Variants in IGSF11 observed in about 807,000 individuals in gnomAD.
The protein encoded by IGSF11 is CXADR like 1.
In IGSF11, 22 loss-of-function variants were observed where a neutral mutation model predicts 41.0. The observed-to-expected ratio is 0.54, with a 90% confidence interval of 0.38 to 0.77. The LOEUF (loss-of-function observed/expected upper bound fraction) is 0.77, where lower values mean the gene tolerates loss of function less well. Ranked by LOEUF, IGSF11 falls within the 30% of genes least tolerant of loss-of-function variation. The pLI is 0.00. For missense variants in IGSF11, 444 were observed against 530.8 expected (o/e 0.84, Z 1.61); for synonymous variants, 219 against 201.3 (o/e 1.09, Z -0.74).
At chr3:119,003,688 G>A (rs991059503) in intron 1 of IGSF11, among the ~76,000 whole-genome samples, 1 of 151,724 alleles carries the variant, frequency 6.6e-6, no homozygotes, top group East Asian at 1.9e-4. Flanking sequence ...GTTGAATTTT[G>A]TCAAAGGCTT....
At chr3:118,969,242 A>G (rs1365650725) in intron 1 of IGSF11, among the ~76,000 whole-genome samples, 1 of 152,234 alleles carries the variant, frequency 6.6e-6, no homozygotes, top group Non-Finnish European at 1.5e-5. Context: ...ATAAAAATAA[A>G]GAAAGGTCAT....
Position 118,926,089 on chromosome 3 carries a change from C to T in IGSF11, c.580+12G>A, listed in dbSNP as rs1408346053. The T allele has an allele frequency of 6.5e-7, 1 of 1,549,016 alleles. No homozygotes were observed. Among genetic ancestry groups the T allele is most frequent in the East Asian group, 2.3e-5 (1 of 42,872 alleles). ...ATAACTAATAAAATGGGTAAAGCAG[C>T]ACTGTACATACCCTGAGTAGCTGTT... On this transcript the variant is annotated intron_variant, in intron 4 of 6. Transcript: ENST00000393775.
chr3:119,011,980 T>C (rs1315861180), intron 1 of IGSF11, among the ~76,000 whole-genome samples: 1 of 152,040 alleles, frequency 6.6e-6, no homozygotes, highest in African/African-American at 2.4e-5. Context: ...TATACACACA[T>C]ATATATAGGT....
intron 1 of IGSF11, among the ~76,000 whole-genome samples, chr3:119,055,325 G>T (rs1186441689): frequency 6.6e-6 from 1 of 152,176 alleles, no homozygotes. Flanking sequence ...AAGCTGGATG[G>T]AGAATGACTT....
chr3:118,946,477 A>C (rs888068968), intron 1 of IGSF11, among the ~76,000 whole-genome samples: 1 of 151,972 alleles, frequency 6.6e-6, no homozygotes, highest in East Asian at 1.9e-4. Flanking sequence ...AGAGGAGGAA[A>C]GAAAGAAATC....
At chr3:119,144,249 G>A (rs898748223) in intron 1 of IGSF11, among the ~76,000 whole-genome samples, 1 of 152,064 alleles carries the variant, frequency 6.6e-6, no homozygotes, top group African/African-American at 2.4e-5. Flanking sequence ...ATAATGAGTA[G>A]AACCCTAGAC....
At chr3:119,078,590 TA>T (rs1232129665) in intron 1 of IGSF11, among the ~76,000 whole-genome samples, 16 of 152,248 alleles carry the variant, frequency 1.1e-4, no homozygotes, top group Non-Finnish European at 1.6e-4. Flanking sequence ...GATTTATGTG[TA>T]AAACCTAAAA....
At chr3:118,935,977 T>C (rs1320766342) in intron 1 of IGSF11, among the ~76,000 whole-genome samples, 1 of 152,172 alleles carries the variant, frequency 6.6e-6, no homozygotes, top group African/African-American at 2.4e-5. Flanking sequence ...TCTGTGAATG[T>C]GTCTCATGGT....
intron 4 of IGSF11, among the ~76,000 whole-genome samples, chr3:118,909,571 T>C (rs1441357610): frequency 6.6e-6 from 1 of 152,236 alleles, no homozygotes; most frequent in Non-Finnish European, 1.5e-5. Context: ...TTTGTGTTGA[T>C]GCTGGCTGAA....
At chr3:119,113,788 G>T (rs536282103) in intron 1 of IGSF11, among the ~76,000 whole-genome samples, 1 of 152,238 alleles carries the variant, frequency 6.6e-6, no homozygotes, top group Admixed American at 6.5e-5. Context: ...CCTCTGCACT[G>T]CCCTAGTAGA....
At chr3:119,088,528 C>CA (rs920978901) in intron 1 of IGSF11, among the ~76,000 whole-genome samples, 9 of 151,830 alleles carry the variant, frequency 5.9e-5, no homozygotes, top group Admixed American at 5.9e-4. Context: ...TACAAAAAAA[C>CA]AAAAAGAGAG....
intron 1 of IGSF11, among the ~76,000 whole-genome samples, chr3:119,057,047 C>T (rs1576742974): frequency 6.6e-6 from 1 of 152,162 alleles, no homozygotes. Flanking sequence ...GAAGCATTCC[C>T]TTTGAAAACT....
chr3:119,015,601 A>T (rs1385476812), intron 1 of IGSF11, among the ~76,000 whole-genome samples: 17 of 152,304 alleles, frequency 1.1e-4, no homozygotes, highest in Admixed American at 1.1e-3. Context: ...AGAAAAAACA[A>T]TTTAGTACTA....
At chr3:119,111,230 A>G (rs1012858439) in intron 1 of IGSF11, among the ~76,000 whole-genome samples, 1 of 152,180 alleles carries the variant, frequency 6.6e-6, no homozygotes, top group Non-Finnish European at 1.5e-5. Context: ...AGGTACACCA[A>G]TCAGACGTAG....
chr3:118,982,860 A>T (rs1015261889), intron 1 of IGSF11, among the ~76,000 whole-genome samples: 4 of 152,170 alleles, frequency 2.6e-5, no homozygotes, highest in African/African-American at 9.6e-5. Context: ...CACAAAGTTT[A>T]TTTCTTGCCC....
At chr3:118,947,471 C>G (rs1292314114) in intron 1 of IGSF11, 2 of 152,012 alleles carry the variant, frequency 1.3e-5, no homozygotes, top group Non-Finnish European at 2.9e-5. Flanking sequence ...AGAAGTAAAA[C>G]TAAATAAATG....
chr3:119,060,312 C>A (rs1182277583), intron 1 of IGSF11, among the ~76,000 whole-genome samples: 3 of 152,048 alleles, frequency 2.0e-5, no homozygotes, highest in African/African-American at 4.8e-5. Flanking sequence ...TAATGAGAGC[C>A]ATCAGAGATC....
chr3:119,131,330 T>G (rs2077478368), intron 1 of IGSF11, among the ~76,000 whole-genome samples: 1 of 152,050 alleles, frequency 6.6e-6, no homozygotes, highest in Non-Finnish European at 1.5e-5. Context: ...GAATGGGTAC[T>G]AGAATAAACA....
intron 1 of IGSF11, among the ~76,000 whole-genome samples, chr3:118,984,772 T>C (rs1158404078): frequency 2.0e-5 from 3 of 152,148 alleles, no homozygotes; most frequent in South Asian, 2.1e-4. Context: ...AAATGAAGTG[T>C]ACCCTCCACG....
Sources: allele counts gnomAD v4.1 joint callset (sites outside exome capture counted in the v4.1 genomes callset), GRCh38; gene constraint gnomAD v4.1.1; transcripts MANE v1.5; gene names NCBI Gene and HGNC (gene_info 2026-07-23, HGNC 2026-07-21).